The following PDE10A variants were observed in gnomAD, a reference collection of about 807,000 sequenced individuals.
PDE10A encodes the protein phosphodiesterase 10A.
Under a neutral mutation model 97.7 loss-of-function variants are expected in PDE10A, and 39 were observed. That is an observed-to-expected ratio of 0.40 (90% CI 0.31 to 0.52). PDE10A has a LOEUF of 0.52. Among genes scored for constraint, PDE10A ranks in the 20% least tolerant of loss-of-function variants. PDE10A has a pLI of 0.56. For missense variants in PDE10A, 731 were observed against 1,047.8 expected, an observed-to-expected ratio of 0.70 and a Z score of 4.17; for synonymous variants, 371 against 376.8, an observed-to-expected ratio of 0.98 and a Z score of 0.18.
At chr6:165,931,456 G>A (rs1783131614) in intron 1 of PDE10A, among the ~76,000 whole-genome samples, 1 of 152,214 alleles carries the variant, frequency 6.6e-6, no homozygotes, top group African/African-American at 2.4e-5. Flanking sequence ...TTGCACACTT[G>A]TCCTATACTC....
chr6:165,649,164 A>G (rs1789553763), intron 1 of PDE10A, among the ~76,000 whole-genome samples: 2 of 152,196 alleles, frequency 1.3e-5, no homozygotes, highest in African/African-American at 4.8e-5. Context: ...GAAGCTTGCA[A>G]GGGGAGTGAA....
chr6:165,767,197 A>G (rs895519815), intron 1 of PDE10A, among the ~76,000 whole-genome samples: 3 of 152,186 alleles, frequency 2.0e-5, no homozygotes, highest in Non-Finnish European at 2.9e-5. Flanking sequence ...ACCGAAAAAA[A>G]GTGCTTATTG....
chr6:165,700,452 G>T (rs915009998), intron 1 of PDE10A, among the ~76,000 whole-genome samples: 1 of 152,158 alleles, frequency 6.6e-6, no homozygotes, highest in Non-Finnish European at 1.5e-5. Context: ...TCACACAGGC[G>T]AATTACATGG....
intron 2 of PDE10A, among the ~76,000 whole-genome samples, chr6:165,483,148 C>T (rs1779703431): frequency 1.3e-5 from 2 of 152,232 alleles, no homozygotes; most frequent in East Asian, 1.9e-4. Context: ...AGCCTGGCAT[C>T]AACAGGCTCC....
chr6:165,907,250 C>A (rs1782316267), intron 1 of PDE10A, among the ~76,000 whole-genome samples: 1 of 152,224 alleles, frequency 6.6e-6, no homozygotes, highest in Non-Finnish European at 1.5e-5. Flanking sequence ...TTGCAGGATT[C>A]ACTGGTCCTG....
rs753902118 is a variant in PDE10A at position 165,392,639 on chromosome 6, C to T, written c.2454+7G>A. The T allele has an allele frequency of 1.4e-5, 22 of 1,612,566 alleles. No homozygotes were observed. The highest frequency in any genetic ancestry group is 5.9e-6 in the Non-Finnish European group (7 of 1,178,770). On this transcript the variant is annotated splice_region_variant and intron_variant, in intron 16 of 21. Coordinates refer to ENST00000539869, the MANE Select transcript of PDE10A (RefSeq NM_001385079.1). ...ACGAGAAACAGAGGTAAAGAGTGCACACCCACCTCAAGGTCTGTGAAAAGC... is the reference window on the plus strand; with the variant it reads ...ACGAGAAACAGAGGTAAAGAGTGCATACCCACCTCAAGGTCTGTGAAAAGC...
chr6:165,709,704 C>T (rs965183701), intron 1 of PDE10A, among the ~76,000 whole-genome samples: 13 of 100,246 alleles, frequency 1.3e-4, no homozygotes, highest in Admixed American at 1.1e-3. Context: ...CCCCATGCTG[C>T]GGCACTGTCC....
At chr6:165,854,298 C>T (rs1248747704) in intron 1 of PDE10A, among the ~76,000 whole-genome samples, 13 of 152,104 alleles carry the variant, frequency 8.5e-5, no homozygotes, top group Admixed American at 8.5e-4. Context: ...GAAAGGGGCC[C>T]GCAGGAGGCA....
chr6:165,834,767 A>G (rs1218003579), intron 1 of PDE10A, among the ~76,000 whole-genome samples: 2 of 152,234 alleles, frequency 1.3e-5, no homozygotes, highest in Non-Finnish European at 2.9e-5. Flanking sequence ...ACAGAGACAG[A>G]GTCAACAGGG....
At chr6:165,707,793 G>A (rs1047217003) in intron 1 of PDE10A, among the ~76,000 whole-genome samples, 1 of 152,084 alleles carries the variant, frequency 6.6e-6, no homozygotes, top group African/African-American at 2.4e-5. Flanking sequence ...TTGTGTTTAT[G>A]TGTGTGTGTC....
chr6:165,604,793 T>A (rs1431698859), intron 1 of PDE10A, among the ~76,000 whole-genome samples: 1 of 152,194 alleles, frequency 6.6e-6, no homozygotes, highest in Non-Finnish European at 1.5e-5. Flanking sequence ...TCATTACACA[T>A]ACATGTGGAT....
intron 1 of PDE10A, among the ~76,000 whole-genome samples, chr6:165,953,625 A>G (rs1784041172): frequency 1.3e-5 from 2 of 152,092 alleles, no homozygotes; most frequent in Non-Finnish European, 2.9e-5. Context: ...TTTTTTAGAG[A>G]AGTTTTAAGT....
chr6:165,832,319 G>A (rs1345123268), intron 1 of PDE10A, among the ~76,000 whole-genome samples: 2 of 151,926 alleles, frequency 1.3e-5, no homozygotes, highest in Admixed American at 6.6e-5. Flanking sequence ...TCATTCAACC[G>A]CTTAATTTAA....
intron 1 of PDE10A, among the ~76,000 whole-genome samples, chr6:165,839,888 C>T (rs1429322864): frequency 1.3e-5 from 2 of 152,004 alleles, no homozygotes; most frequent in African/African-American, 4.8e-5. Context: ...CCTCTGTCTC[C>T]ATCCCCATTC....
chr6:165,347,800 G>C (rs546712474), intron 18 of PDE10A, among the ~76,000 whole-genome samples: 2 of 152,152 alleles, frequency 1.3e-5, no homozygotes, highest in African/African-American at 4.8e-5. Context: ...GCTGGAGGCT[G>C]CTGCCACATT....
At chr6:165,552,816 C>A (rs1383283483) in intron 1 of PDE10A, among the ~76,000 whole-genome samples, 3 of 152,176 alleles carry the variant, frequency 2.0e-5, no homozygotes, top group Non-Finnish European at 4.4e-5. Context: ...GGACCCTAAA[C>A]ACACAGACTA....
chr6:165,931,512 T>C (rs926612971), intron 1 of PDE10A, among the ~76,000 whole-genome samples: 2 of 152,230 alleles, frequency 1.3e-5, no homozygotes. Flanking sequence ...ATTCTGTGGT[T>C]TGCCATAAAA....
At chr6:165,683,081 T>A (rs1182686363) in intron 1 of PDE10A, among the ~76,000 whole-genome samples, 1 of 152,194 alleles carries the variant, frequency 6.6e-6, no homozygotes, top group African/African-American at 2.4e-5. Context: ...TCCTAGCACA[T>A]GGTGCGTACT....
intron 1 of PDE10A, chr6:165,947,290 G>A (rs905137198): frequency 6.6e-6 from 1 of 152,186 alleles, no homozygotes; most frequent in Non-Finnish European, 1.5e-5. Context: ...GTTAAGTGAT[G>A]CTGTGTACAT....
Sources: gnomAD v4.1 joint callset for allele counts (sites outside exome capture counted in the v4.1 genomes callset) on GRCh38, gnomAD v4.1.1 for gene constraint, MANE v1.5 for transcripts, NCBI Gene and HGNC (gene_info 2026-07-23, HGNC 2026-07-21) for gene names.